DPP10: variants seen among roughly 807,000 people sequenced by gnomAD.
DPP10 encodes the protein dipeptidyl peptidase like 10.
A neutral mutation model predicts 120.9 loss-of-function variants in DPP10; 33 were observed. That is an observed-to-expected ratio of 0.27 (90% CI 0.21 to 0.37). The LOEUF is 0.37. Ranked by LOEUF, DPP10 falls within the 10% of genes least tolerant of loss-of-function variation. DPP10 has a pLI of 1.00. For missense variants in DPP10, 816 were observed against 942.8 expected (o/e 0.87, Z 1.76); for synonymous variants, 337 against 326.1 (o/e 1.03, Z -0.36).
chr2:115,542,656 G>A (rs1409880646), intron 5 of DPP10, among the ~76,000 whole-genome samples: 3 of 151,500 alleles, frequency 2.0e-5, no homozygotes, highest in Non-Finnish European at 4.4e-5. Flanking sequence ...CTTTTGGCCT[G>A]AGCAGTGAGA....
chr2:114,691,270 A>G (rs922104876), intron 1 of DPP10, among the ~76,000 whole-genome samples: 2 of 152,140 alleles, frequency 1.3e-5, no homozygotes, highest in African/African-American at 4.8e-5. Context: ...AGTTTTAAAC[A>G]TAAAGGGATG....
chr2:115,264,837 G>T (rs2059395264), intron 1 of DPP10, among the ~76,000 whole-genome samples: 2 of 152,106 alleles, frequency 1.3e-5, no homozygotes, highest in South Asian at 4.2e-4. Flanking sequence ...TCTACATGAT[G>T]ATTGTGAAAA....
intron 5 of DPP10, among the ~76,000 whole-genome samples, chr2:115,644,303 C>T (rs914296915): frequency 1.3e-5 from 2 of 152,062 alleles, no homozygotes; most frequent in African/African-American, 4.8e-5. Flanking sequence ...CTAATGCTAT[C>T]CCTCCCCCCT....
chr2:115,023,983 T>C (rs942459754), intron 1 of DPP10, among the ~76,000 whole-genome samples: 2 of 152,008 alleles, frequency 1.3e-5, no homozygotes, highest in Non-Finnish European at 1.5e-5. Context: ...ATAAGACTAA[T>C]ACATCAGATT....
chr2:115,623,465 ATATT>A (rs1206246723), intron 5 of DPP10, among the ~76,000 whole-genome samples: 1 of 152,218 alleles, frequency 6.6e-6, no homozygotes, highest in African/African-American at 2.4e-5. Context: ...CAATTTATTC[ATATT>A]TATTTAACAA....
intron 1 of DPP10, among the ~76,000 whole-genome samples, chr2:114,711,850 C>T (rs1230532458): frequency 6.6e-6 from 1 of 152,142 alleles, no homozygotes; most frequent in African/African-American, 2.4e-5. Flanking sequence ...TTATCTACTT[C>T]ATCTGGAATA....
intron 1 of DPP10, among the ~76,000 whole-genome samples, chr2:114,877,233 C>T (rs752129861): frequency 3.3e-5 from 5 of 152,012 alleles, no homozygotes; most frequent in Non-Finnish European, 7.4e-5. Flanking sequence ...TCTAAATTCA[C>T]TCTGATTAAG....
intron 5 of DPP10, among the ~76,000 whole-genome samples, chr2:115,549,678 C>T (rs1162554053): frequency 6.6e-6 from 1 of 152,080 alleles, no homozygotes; most frequent in Admixed American, 6.6e-5. Context: ...AGTCCATTCT[C>T]TGCATAGAAA....
intron 1 of DPP10, among the ~76,000 whole-genome samples, chr2:114,907,832 T>C (rs927515509): frequency 1.3e-5 from 2 of 152,128 alleles, no homozygotes; most frequent in Non-Finnish European, 2.9e-5. Context: ...TGTTCAAACA[T>C]GTATTTTCAA....
intron 5 of DPP10, among the ~76,000 whole-genome samples, chr2:115,566,280 G>A (rs1402448420): frequency 2.6e-5 from 4 of 151,886 alleles, no homozygotes; most frequent in Admixed American, 6.6e-5. Flanking sequence ...TCTTATATAC[G>A]TTTTTTCCTA....
intron 5 of DPP10, among the ~76,000 whole-genome samples, chr2:115,604,485 A>T (rs548386853): frequency 6.6e-5 from 10 of 152,276 alleles, no homozygotes; most frequent in African/African-American, 2.4e-4. Flanking sequence ...TCAATAGAAC[A>T]TAACAGCAGT....
At chr2:115,608,984 A>ATAGTTCT (rs1315680217) in intron 5 of DPP10, among the ~76,000 whole-genome samples, 1 of 152,156 alleles carries the variant, frequency 6.6e-6, no homozygotes, top group Non-Finnish European at 1.5e-5. Flanking sequence ...AATTCCAGGA[A>ATAGTTCT]GAAAGAACCG....
At chr2:115,042,715 T>G (rs539424683) in intron 1 of DPP10, among the ~76,000 whole-genome samples, 2 of 152,334 alleles carry the variant, frequency 1.3e-5, no homozygotes, top group East Asian at 3.9e-4. Flanking sequence ...GGGTCACAAA[T>G]AGAACTAGCG....
At chr2:115,839,035 T>C (rs2150129435) in intron 24 of DPP10, among the ~76,000 whole-genome samples, 1 of 152,072 alleles carries the variant, frequency 6.6e-6, no homozygotes, top group African/African-American at 2.4e-5. Flanking sequence ...AGAAAAAAAA[T>C]CCAATTGGAA....
intron 1 of DPP10, among the ~76,000 whole-genome samples, chr2:114,648,476 T>C (rs1172908905): frequency 6.6e-6 from 1 of 152,224 alleles, no homozygotes; most frequent in Non-Finnish European, 1.5e-5. Context: ...TCAGCCCATA[T>C]TTCCAGTACC....
intron 1 of DPP10, among the ~76,000 whole-genome samples, chr2:114,868,927 A>G (rs1379491772): frequency 6.6e-6 from 1 of 152,106 alleles, no homozygotes; most frequent in Non-Finnish European, 1.5e-5. Context: ...GTTTTTCTTT[A>G]TCTGCAAGAC....
chr2:115,664,726 A>G (rs1296881856), intron 5 of DPP10, among the ~76,000 whole-genome samples: 1 of 152,138 alleles, frequency 6.6e-6, no homozygotes, highest in Non-Finnish European at 1.5e-5. Flanking sequence ...TGGGTTCATG[A>G]TGCAGGACCA....
At chr2:114,502,478 ATAC>A (rs1376657407) in intron 1 of DPP10, among the ~76,000 whole-genome samples, 1 of 152,236 alleles carries the variant, frequency 6.6e-6, no homozygotes, top group African/African-American at 2.4e-5. Flanking sequence ...TTAAAAAATC[ATAC>A]TACATTTTAG....
Position 115,475,339 on chromosome 2 carries a change from A to G in DPP10, c.272-24171A>G, listed in dbSNP as rs577598551. ...ACCACTTCAGAGGATGCAAACTGTA[A>G]GTATTGGTGGCTTCCAAGTGGTGTT... On this transcript the variant is annotated intron_variant, in intron 3 of 25. Coordinates refer to ENST00000410059, the MANE Select transcript of DPP10 (RefSeq NM_020868.6). Among the ~76,000 whole-genome samples the G allele has an allele frequency of 4.6e-5, 7 of 152,312 alleles. No homozygotes were observed. The South Asian group carries it at 1.2e-3, about 27-fold the overall frequency.
Sources: gnomAD v4.1 joint callset for allele counts (sites outside exome capture counted in the v4.1 genomes callset) on GRCh38, gnomAD v4.1.1 for gene constraint, MANE v1.5 for transcripts, NCBI Gene and HGNC (gene_info 2026-07-23, HGNC 2026-07-21) for gene names.